The following CCSER1 variants were observed in gnomAD, a reference collection of about 807,000 sequenced individuals.
CCSER1 encodes the protein serine-rich coiled-coil domain-containing protein 1.
In CCSER1, 41 loss-of-function variants were observed where a neutral mutation model predicts 82.0. That is an observed-to-expected ratio of 0.50 (90% CI 0.39 to 0.65). The LOEUF (loss-of-function observed/expected upper bound fraction) is 0.65, where lower values mean the gene tolerates loss of function less well. Among genes scored for constraint, CCSER1 ranks in the 30% least tolerant of loss-of-function variants. CCSER1 has a pLI of 0.00. For synonymous variants in CCSER1, 414 were observed against 383.9 expected (o/e 1.08, Z -0.92); for missense variants, 1,119 against 1,064.2 (o/e 1.05, Z -0.72).
intron 8 of CCSER1, among the ~76,000 whole-genome samples, chr4:90,903,223 C>T (rs911539382): frequency 6.6e-6 from 1 of 152,032 alleles, no homozygotes; most frequent in Non-Finnish European, 1.5e-5. Context: ...TGGAGGGACC[C>T]AGGAGGAGGT....
chr4:90,683,062 A>T (rs1165439057), intron 6 of CCSER1: 2 of 152,406 alleles, frequency 1.3e-5, no homozygotes, highest in African/African-American at 4.8e-5. Context: ...CAACATACTG[A>T]TATTTCTGAA....
intron 5 of CCSER1, among the ~76,000 whole-genome samples, chr4:90,610,486 T>C (rs1222435315): frequency 1.3e-5 from 2 of 152,148 alleles, no homozygotes; most frequent in African/African-American, 4.8e-5. Context: ...CATACACGTA[T>C]AAATAGATAC....
chr4:90,460,324 C>CAAAAAAAAAA (rs751331396), intron 4 of CCSER1, among the ~76,000 whole-genome samples: 5 of 32,642 alleles, frequency 1.5e-4, no homozygotes, highest in African/African-American at 5.8e-4. Flanking sequence ...AACTCCGTCT[C>CAAAAAAAAAA]AAAAAAAAAA....
At chr4:90,879,689 G>A (rs890659259) in intron 8 of CCSER1, among the ~76,000 whole-genome samples, 6 of 137,736 alleles carry the variant, frequency 4.4e-5, no homozygotes, top group South Asian at 4.7e-4. Context: ...AAGAAGAAGA[G>A]GAAGAAGAAG....
At chr4:90,792,641 G>T (rs1053790112) in intron 7 of CCSER1, among the ~76,000 whole-genome samples, 2 of 152,156 alleles carry the variant, frequency 1.3e-5, no homozygotes, top group African/African-American at 4.8e-5. Flanking sequence ...CAGATAAAAG[G>T]CAGAACTCTT....
chr4:90,420,236 A>G (rs1756474973), intron 4 of CCSER1, among the ~76,000 whole-genome samples: 1 of 152,010 alleles, frequency 6.6e-6, no homozygotes, highest in South Asian at 2.1e-4. Flanking sequence ...TTACACTCCC[A>G]TTAAAAAATA....
At chr4:91,425,900 A>T (rs1037186477) in intron 10 of CCSER1, among the ~76,000 whole-genome samples, 3 of 152,192 alleles carry the variant, frequency 2.0e-5, no homozygotes, top group Admixed American at 2.0e-4. Context: ...CACAATTTTT[A>T]AAATTATACT....
At chr4:90,622,166 T>C (rs932988723) in intron 5 of CCSER1, among the ~76,000 whole-genome samples, 1 of 152,176 alleles carries the variant, frequency 6.6e-6, no homozygotes, top group Non-Finnish European at 1.5e-5. Context: ...AATGCATCTG[T>C]GATAAGCATT....
At chr4:91,549,635 G>C (rs921430736) in intron 10 of CCSER1, among the ~76,000 whole-genome samples, 1 of 152,038 alleles carries the variant, frequency 6.6e-6, no homozygotes, top group African/African-American at 2.4e-5. Context: ...TCAGGAGTTC[G>C]AGACCAGCTT....
chr4:90,898,253 T>G (rs975711269), intron 8 of CCSER1, among the ~76,000 whole-genome samples: 5 of 146,436 alleles, frequency 3.4e-5, no homozygotes, highest in Non-Finnish European at 6.1e-5. Flanking sequence ...GCCTTACTTT[T>G]AAATCTTTAA....
intron 1 of CCSER1, among the ~76,000 whole-genome samples, chr4:90,166,128 C>T (rs541336609): frequency 9.9e-5 from 15 of 152,044 alleles, no homozygotes; most frequent in East Asian, 5.8e-4. Context: ...CATTGTTTTC[C>T]ACTTTCAGTA....
At chr4:91,055,679 T>C (rs1464981577) in intron 9 of CCSER1, among the ~76,000 whole-genome samples, 1 of 152,114 alleles carries the variant, frequency 6.6e-6, no homozygotes, top group Non-Finnish European at 1.5e-5. Flanking sequence ...TTCATGTCTT[T>C]CATCTTATTT....
At chr4:90,261,544 G>A (rs931365310) in intron 1 of CCSER1, among the ~76,000 whole-genome samples, 1 of 152,060 alleles carries the variant, frequency 6.6e-6, no homozygotes, top group African/African-American at 2.4e-5. Context: ...TTTCCTTCAT[G>A]TTGACTTTAG....
At chr4:91,134,647 G>A (rs1728295781) in intron 10 of CCSER1, among the ~76,000 whole-genome samples, 1 of 151,992 alleles carries the variant, frequency 6.6e-6, no homozygotes, top group African/African-American at 2.4e-5. Context: ...AATAAATGTA[G>A]AAACAAGAAA....
At chr4:91,167,362 T>A (rs1560485442) in intron 10 of CCSER1, among the ~76,000 whole-genome samples, 1 of 151,984 alleles carries the variant, frequency 6.6e-6, no homozygotes. Flanking sequence ...ATTTTTGTAT[T>A]TTCAGTAGAG....
At chr4:90,655,954 T>C (rs536590828) in intron 6 of CCSER1, among the ~76,000 whole-genome samples, 2 of 152,008 alleles carry the variant, frequency 1.3e-5, no homozygotes, top group East Asian at 3.9e-4. Flanking sequence ...CTTTGCACAG[T>C]TATAATATTC....
chr4:90,675,615 CTA>C (rs1733694580), intron 6 of CCSER1, among the ~76,000 whole-genome samples: 1 of 17,576 alleles, frequency 5.7e-5, no homozygotes, highest in Admixed American at 7.3e-4. Flanking sequence ...CACACATGAT[CTA>C]AAATTTATAT....
chr4:91,071,151 T>G (rs142006889), intron 9 of CCSER1, among the ~76,000 whole-genome samples: 1 of 152,300 alleles, frequency 6.6e-6, no homozygotes, highest in East Asian at 1.9e-4. Flanking sequence ...AAGTACTTAT[T>G]TAGAACCTAG....
At chr4:90,424,074 G>A (rs1757161689) in intron 4 of CCSER1, among the ~76,000 whole-genome samples, 2 of 149,704 alleles carry the variant, frequency 1.3e-5, no homozygotes. Context: ...CTGGGTGACA[G>A]AGCAAGTCTC....
Sources: gnomAD v4.1 joint callset for allele counts (sites outside exome capture counted in the v4.1 genomes callset) on GRCh38, gnomAD v4.1.1 for gene constraint, MANE v1.5 for transcripts, NCBI Gene and HGNC (gene_info 2026-07-23, HGNC 2026-07-21) for gene names.